Variants in ECPAS observed in about 807,000 individuals in gnomAD.
The protein encoded by ECPAS is proteasome adapter and scaffold protein ECM29.
A neutral mutation model predicts 255.1 loss-of-function variants in ECPAS; 70 were observed. The ratio of observed to expected loss-of-function variants is 0.27; its 90% CI spans 0.23 to 0.33. The LOEUF (loss-of-function observed/expected upper bound fraction) is 0.33, where lower values mean the gene tolerates loss of function less well. ECPAS is among the 10% of genes least tolerant of loss of function. The pLI, the probability that ECPAS is intolerant of heterozygous loss-of-function variation, is 1.00. For missense variants in ECPAS, 1,817 were observed against 2,206.4 expected (o/e 0.82, Z 3.54); for synonymous variants, 784 against 775.0 (o/e 1.01, Z -0.19).
At chr9:111,420,921 CT>C (rs2098212576) in intron 15 of ECPAS, among the ~76,000 whole-genome samples, 2 of 152,282 alleles carry the variant, frequency 1.3e-5, no homozygotes, top group South Asian at 4.1e-4. Flanking sequence ...TAAATGTTGT[CT>C]GTGAAAAGAA....
Position 111,415,702 on chromosome 9 carries a change from CAA to C in ECPAS, c.1764+568_1764+569del, listed in dbSNP as rs34227645. ...CGGGCAACAGAGTGAGACTCCTTCT[CAA>C]AAAAAAAAAAAACCAAACAAACAAA... On this transcript the variant is annotated intron_variant, in intron 18 of 49. Coordinates refer to ENST00000684092, the MANE Select transcript of ECPAS (RefSeq NM_001364929.1). Among the ~76,000 whole-genome samples the C allele has an allele frequency of 1.1e-3, 132 of 118,306 alleles. 2 individuals carry two copies. The East Asian group carries it at 0.024, about 21-fold the overall frequency. 77.6% of individuals were successfully genotyped at this position (118,306 alleles called of 152,430 possible).
chr9:111,394,417 C>T (rs1328427054), intron 25 of ECPAS, 112 bp from the exon 26 acceptor site: 2 of 1,004,236 alleles, frequency 2.0e-6, no homozygotes, highest in Non-Finnish European at 2.7e-6. Flanking sequence ...ATATAAAAAT[C>T]TAAATGGCTA....
intron 25 of ECPAS, 126 bp from the exon 26 acceptor site, chr9:111,394,431 T>G (rs527743027): frequency 1.2e-4 from 98 of 829,538 alleles, no homozygotes; most frequent in Admixed American, 1.9e-4. Context: ...ATGGCTAAGG[T>G]GTTTAAAGTT....
At chr9:111,400,537 C>T (rs2098174228) in intron 24 of ECPAS, among the ~76,000 whole-genome samples, 1 of 151,936 alleles carries the variant, frequency 6.6e-6, no homozygotes, top group African/African-American at 2.4e-5. Context: ...TTCAAGAAAA[C>T]ATGGAGAAGG....
In ECPAS at chr9:111,376,339, A is replaced by G. The variant is rs1040025668; in HGVS notation, c.4020+137T>C. On this transcript the variant is annotated intron_variant, in intron 37 of 49. Transcript: ENST00000684092. ...ACAGAGAAGAAAAGAGAAATATACT[A>G]AGAAAAAACTGGAGTCACAACAGCT... 5 of 640,466 alleles carry G rather than the reference A, an allele frequency of 7.8e-6. No homozygotes were observed. In the African/African-American group the frequency reaches 9.2e-5, roughly 12 times the overall value. 39.7% of individuals were successfully genotyped at this position (640,466 alleles called of 1,614,324 possible). A position where few individuals can be genotyped will look rare whatever the true frequency, so the allele number is the denominator to read the frequency against.
Position 111,404,899 on chromosome 9 carries a change from G to GA in ECPAS, c.2652+3671dup, listed in dbSNP as rs1226707095. ...GTACTGAAAACTATAAAACATTGATGAAAAAAATTAAAAAGAACACACAAA... is the reference window on the plus strand; with the variant it reads ...GTACTGAAAACTATAAAACATTGATGAAAAAAAATTAAAAAGAACACACAAA... On this transcript the variant is annotated intron_variant, in intron 24 of 49. Coordinates refer to ENST00000684092, the MANE Select transcript of ECPAS (RefSeq NM_001364929.1). Among the ~76,000 whole-genome samples the GA allele has an allele frequency of 1.8e-4, 26 of 141,112 alleles. 2 individuals are homozygous for GA. The highest frequency in any genetic ancestry group is 6.5e-4 in the East Asian group (3 of 4,622). 92.6% of individuals were successfully genotyped at this position (141,112 alleles called of 152,430 possible).
At chr9:111,389,892 A>T in intron 30 of ECPAS, 92 bp downstream of exon 30, 1 of 1,127,842 alleles carries the variant, frequency 8.9e-7, no homozygotes, top group South Asian at 1.5e-5. Flanking sequence ...ACTTTCACAA[A>T]ATGCACTACA....
intron 11 of ECPAS, 118 bp downstream of exon 11, chr9:111,425,625 T>G (rs1331014676): frequency 9.1e-6 from 9 of 989,294 alleles, no homozygotes; most frequent in Non-Finnish European, 1.2e-5. Context: ...ATACAAAAAT[T>G]TTTAAAGATG....
At chr9:111,401,686 A>G (rs1273337701) in intron 24 of ECPAS, among the ~76,000 whole-genome samples, 1 of 152,170 alleles carries the variant, frequency 6.6e-6, no homozygotes, top group Non-Finnish European at 1.5e-5. Flanking sequence ...CAGAGTAGCC[A>G]TTCATAGACC....
intron 49 of ECPAS, among the ~76,000 whole-genome samples, chr9:111,362,431 G>A (rs939019125): frequency 2.0e-5 from 3 of 151,988 alleles, no homozygotes; most frequent in Non-Finnish European, 4.4e-5. Context: ...ATCAGTGGGA[G>A]TAAGAGAAAT....
At chr9:111,438,093 T>C (rs796344905) in intron 6 of ECPAS, among the ~76,000 whole-genome samples, 26 of 152,312 alleles carry the variant, frequency 1.7e-4, no homozygotes, top group African/African-American at 5.5e-4. Flanking sequence ...AATGTTATTA[T>C]ATAAATGACC....
At chr9:111,391,034 G>A (rs983881423) in intron 29 of ECPAS, among the ~76,000 whole-genome samples, 12 of 152,130 alleles carry the variant, frequency 7.9e-5, no homozygotes, top group Admixed American at 6.5e-4. Flanking sequence ...CCAATGGCTG[G>A]TCACTGAGAG....
chr9:111,399,173 G>A (rs1172145164), intron 24 of ECPAS, among the ~76,000 whole-genome samples: 1 of 151,864 alleles, frequency 6.6e-6, no homozygotes, highest in Non-Finnish European at 1.5e-5. Flanking sequence ...CACCCACCAT[G>A]TACCTACAAA....
At chr9:111,378,400 A>G (rs1589121677) in intron 36 of ECPAS, among the ~76,000 whole-genome samples, 180 bp downstream of exon 36, 2 of 152,222 alleles carry the variant, frequency 1.3e-5, no homozygotes, top group African/African-American at 4.8e-5. Context: ...GTTTTCATCC[A>G]ATTCACAAGA....
At chr9:111,412,852 T>G (rs1260784297) in intron 20 of ECPAS, among the ~76,000 whole-genome samples, 1 of 152,116 alleles carries the variant, frequency 6.6e-6, no homozygotes, top group Non-Finnish European at 1.5e-5. Context: ...CTTAAAGACA[T>G]AATTTTTACA....
chr9:111,480,363 T>C (rs1278751396), intron 1 of ECPAS, among the ~76,000 whole-genome samples: 1 of 136,804 alleles, frequency 7.3e-6, no homozygotes, highest in African/African-American at 2.8e-5. Context: ...AGCGGCACAA[T>C]CTTGGCTCAC....
chr9:111,387,059 C>A (rs560362013), intron 31 of ECPAS, among the ~76,000 whole-genome samples: 1 of 152,230 alleles, frequency 6.6e-6, no homozygotes, highest in Non-Finnish European at 1.5e-5. Flanking sequence ...TCTCACTCAT[C>A]GTCAGTGCAG....
chr9:111,385,159 A>G (rs1247926717), intron 33 of ECPAS, among the ~76,000 whole-genome samples, 178 bp downstream of exon 33: 1 of 152,190 alleles, frequency 6.6e-6, no homozygotes, highest in East Asian at 1.9e-4. Flanking sequence ...TATTTAATTT[A>G]GATCTAAGGA....
intron 6 of ECPAS, among the ~76,000 whole-genome samples, chr9:111,440,007 G>C (rs1235355896): frequency 1.3e-5 from 2 of 151,788 alleles, no homozygotes; most frequent in Admixed American, 6.6e-5. Flanking sequence ...AACCATCATA[G>C]CATTAATAGT....
Sources: gnomAD v4.1 joint callset for allele counts (sites outside exome capture counted in the v4.1 genomes callset) on GRCh38, gnomAD v4.1.1 for gene constraint, MANE v1.5 for transcripts, NCBI Gene and HGNC (gene_info 2026-07-23, HGNC 2026-07-21) for gene names.